The following SLC24A3 variants were observed in gnomAD, a reference collection of about 807,000 sequenced individuals.
SLC24A3 encodes solute carrier family 24 member 3.
Under a neutral mutation model 75.8 loss-of-function variants are expected in SLC24A3, and 28 were observed. That is an observed-to-expected ratio of 0.37 (90% CI 0.27 to 0.51). The LOEUF is 0.51. Among genes scored for constraint, SLC24A3 ranks in the 20% least tolerant of loss-of-function variants. The pLI, the probability that SLC24A3 is intolerant of heterozygous loss-of-function variation, is 0.94. For missense variants in SLC24A3, 663 were observed against 847.8 expected, an observed-to-expected ratio of 0.78 and a Z score of 2.71; for synonymous variants, 372 against 334.1, an observed-to-expected ratio of 1.11 and a Z score of -1.24.
chr20:19,351,874 C>T lies in SLC24A3; in HGVS notation c.271+70787C>T, dbSNP rs1985574255. On this transcript the variant is annotated intron_variant, in intron 2 of 16. Coordinates refer to ENST00000328041, the MANE Select transcript of SLC24A3 (RefSeq NM_020689.4). Reference sequence around the variant, plus strand: ...GTGGTTAGAGAGCACAGCTTCAAAACAAAAAGTTAGCCTTTGTGCCATTAA... The same window carrying T: ...GTGGTTAGAGAGCACAGCTTCAAAATAAAAAGTTAGCCTTTGTGCCATTAA... Among the ~76,000 whole-genome samples, 3 of 152,274 alleles carry T rather than the reference C, an allele frequency of 2.0e-5. No individual in the cohort carries two copies. In the South Asian group the frequency reaches 6.2e-4, roughly 32 times the overall value.
intron 2 of SLC24A3, among the ~76,000 whole-genome samples, chr20:19,370,599 T>C (rs1309429053): frequency 1.3e-5 from 2 of 152,230 alleles, no homozygotes; most frequent in Admixed American, 6.5e-5. Context: ...TTTGAAAAGG[T>C]TGGAGAATGT....
chr20:19,366,198 A>T (rs1305131267), intron 2 of SLC24A3, among the ~76,000 whole-genome samples: 1 of 152,044 alleles, frequency 6.6e-6, no homozygotes, highest in Non-Finnish European at 1.5e-5. Context: ...ATTGCCAAGG[A>T]TCCTGATTTT....
chr20:19,596,320 G>T (rs1206478389), intron 6 of SLC24A3, among the ~76,000 whole-genome samples: 1 of 152,164 alleles, frequency 6.6e-6, no homozygotes, highest in Admixed American at 6.5e-5. Flanking sequence ...AAGAGGGTTT[G>T]CAGGTCAGTT....
chr20:19,315,846 T>G (rs1028704276), intron 2 of SLC24A3, among the ~76,000 whole-genome samples: 1 of 152,214 alleles, frequency 6.6e-6, no homozygotes, highest in Non-Finnish European at 1.5e-5. Flanking sequence ...TGTCCACAAC[T>G]GAAAATATCA....
At chr20:19,286,379 A>G (rs1382311188) in intron 2 of SLC24A3, among the ~76,000 whole-genome samples, 1 of 152,134 alleles carries the variant, frequency 6.6e-6, no homozygotes, top group Non-Finnish European at 1.5e-5. Context: ...CAGACCAGCA[A>G]GCAGAAAACA....
chr20:19,232,797 G>T (rs1345164005), intron 1 of SLC24A3, among the ~76,000 whole-genome samples: 3 of 152,184 alleles, frequency 2.0e-5, no homozygotes, highest in Non-Finnish European at 4.4e-5. Flanking sequence ...CTGGCATCAG[G>T]TGTCCTCACC....
At chr20:19,626,224 C>G (rs2031864537) in intron 6 of SLC24A3, among the ~76,000 whole-genome samples, 1 of 152,182 alleles carries the variant, frequency 6.6e-6, no homozygotes, top group South Asian at 2.1e-4. Flanking sequence ...TCCTGCTCAT[C>G]TTTATGTCAG....
chr20:19,604,224 CG>C (rs2031566530), intron 6 of SLC24A3, among the ~76,000 whole-genome samples: 1 of 151,330 alleles, frequency 6.6e-6, no homozygotes, highest in East Asian at 1.9e-4. Context: ...AATAGGGGGA[CG>C]TCAGGGCCTA....
chr20:19,467,869 G>A (rs1465477150), intron 2 of SLC24A3, among the ~76,000 whole-genome samples: 2 of 146,964 alleles, frequency 1.4e-5, no homozygotes, highest in East Asian at 2.0e-4. Flanking sequence ...TGACAGAGTG[G>A]GACCCTGTCT....
intron 2 of SLC24A3, among the ~76,000 whole-genome samples, chr20:19,465,170 G>A (rs2122499810): frequency 6.6e-6 from 1 of 152,320 alleles, no homozygotes; most frequent in Middle Eastern, 3.4e-3. Flanking sequence ...GTCCTTACCA[G>A]GGCAGATTTC....
chr20:19,243,152 A>T (rs1478932200), intron 1 of SLC24A3, among the ~76,000 whole-genome samples: 3 of 152,230 alleles, frequency 2.0e-5, no homozygotes, highest in African/African-American at 7.2e-5. Context: ...AGTTAATGAA[A>T]TTATCCCAGG....
intron 6 of SLC24A3, among the ~76,000 whole-genome samples, chr20:19,598,864 C>A (rs1223833907): frequency 6.6e-6 from 1 of 151,236 alleles, no homozygotes; most frequent in Non-Finnish European, 1.5e-5. Context: ...TTGTGCTTGA[C>A]CTTTTTCTTA....
Position 19,452,013 on chromosome 20 carries a change from C to A in SLC24A3, c.272-63475C>A, listed in dbSNP as rs115471488. Among the ~76,000 whole-genome samples, 491 of 152,320 alleles carry A rather than the reference C, an allele frequency of 3.2e-3. 4 individuals carry two copies. Among genetic ancestry groups the A allele is most frequent in the African/African-American group, 0.011 (439 of 41,566 alleles). On this transcript the variant is annotated intron_variant, in intron 2 of 16. Coordinates refer to ENST00000328041, the MANE Select transcript of SLC24A3 (RefSeq NM_020689.4). Reference sequence around the variant, plus strand: ...CACATGTTATAAAACAGGATTCTCTCTGTGGCTATTTTCAGAAGCTCAGAC... The same window carrying A: ...CACATGTTATAAAACAGGATTCTCTATGTGGCTATTTTCAGAAGCTCAGAC...
intron 2 of SLC24A3, among the ~76,000 whole-genome samples, chr20:19,473,032 G>A (rs1987901006): frequency 6.6e-6 from 1 of 152,184 alleles, no homozygotes; most frequent in Non-Finnish European, 1.5e-5. Context: ...CACTGATCAA[G>A]GCTGGATCAG....
At chr20:19,288,906 G>C (rs1372547561) in intron 2 of SLC24A3, among the ~76,000 whole-genome samples, 1 of 152,202 alleles carries the variant, frequency 6.6e-6, no homozygotes, top group East Asian at 1.9e-4. Context: ...TTTGCTCTAT[G>C]AAGGCTGAAT....
chr20:19,545,603 G>A (rs1168604870), intron 3 of SLC24A3, among the ~76,000 whole-genome samples: 3 of 152,162 alleles, frequency 2.0e-5, no homozygotes, highest in East Asian at 1.9e-4. Flanking sequence ...TCTGGGCCTT[G>A]CTGCGTTGCC....
chr20:19,433,125 A>G (rs1987133430), intron 2 of SLC24A3, among the ~76,000 whole-genome samples: 1 of 152,196 alleles, frequency 6.6e-6, no homozygotes, highest in Non-Finnish European at 1.5e-5. Context: ...TCAGGATTTA[A>G]TGGAACATGC....
intron 1 of SLC24A3, chr20:19,213,533 C>T (rs1466942677): frequency 6.6e-6 from 1 of 152,450 alleles, no homozygotes; most frequent in Admixed American, 6.5e-5. Context: ...TGTTGGCCCT[C>T]CAGCTATGGG....
At chr20:19,349,472 A>G (rs1341738396) in intron 2 of SLC24A3, among the ~76,000 whole-genome samples, 3 of 152,174 alleles carry the variant, frequency 2.0e-5, no homozygotes, top group Non-Finnish European at 4.4e-5. Flanking sequence ...AGACTTCTCC[A>G]ATCCCTAAGA....
Sources: gnomAD v4.1 joint callset for allele counts (sites outside exome capture counted in the v4.1 genomes callset) on GRCh38, gnomAD v4.1.1 for gene constraint, MANE v1.5 for transcripts, NCBI Gene and HGNC (gene_info 2026-07-23, HGNC 2026-07-21) for gene names.